The following AKIP1 variants were observed in gnomAD, a reference collection of about 807,000 sequenced individuals.
The protein encoded by AKIP1 is A-kinase-interacting protein 1.
AKIP1 carries 18 observed loss-of-function variants against 22.3 expected under a neutral mutation model. That is an observed-to-expected ratio of 0.81 (90% confidence interval 0.56 to 1.19). AKIP1 has a LOEUF of 1.19. Ranked by LOEUF, AKIP1 falls within the 50% of genes most tolerant of loss-of-function variation. The pLI, the probability that AKIP1 is intolerant of heterozygous loss-of-function variation, is 0.00. For synonymous variants in AKIP1, 120 were observed against 102.7 expected (o/e 1.17, Z -1.02); for missense variants, 287 against 264.6 (o/e 1.08, Z -0.59).
chr11:8,911,418 C>T, intron 1 of AKIP1, 26 bp from the exon 2 acceptor site: 1 of 1,543,372 alleles, frequency 6.5e-7, no homozygotes, highest in Non-Finnish European at 8.8e-7. Context: ...GACCCGCCGG[C>T]GTTTGTACGT....
intron 3 of AKIP1, among the ~76,000 whole-genome samples, chr11:8,913,541 G>C (rs1301112556): frequency 6.6e-6 from 1 of 152,212 alleles, no homozygotes; most frequent in East Asian, 1.9e-4. Flanking sequence ...AAACATTCAA[G>C]GAAATTACCT....
chr11:8,915,924 C>T (rs563313211), intron 4 of AKIP1, among the ~76,000 whole-genome samples: 16 of 150,236 alleles, frequency 1.1e-4, no homozygotes, highest in Middle Eastern at 3.4e-3. Context: ...CCCTGGTTCA[C>T]GCCATTCTTC....
chr11:8,917,144 A>T (rs1256378421), intron 4 of AKIP1, 143 bp from the exon 5 acceptor site: 3 of 555,822 alleles, frequency 5.4e-6, no homozygotes, highest in Non-Finnish European at 9.7e-6. Flanking sequence ...GAATTCACTT[A>T]AAAATGCCTT....
At position 8,911,597 on chromosome 11, in the gene AKIP1, G is replaced by C. The variant is rs754128869; in HGVS notation, c.148G>C (p.Gly50Arg). Residue 50 changes from glycine to arginine, a missense_variant, in exon 2 of 6, where the codon GGG (glycine) becomes CGG (arginine). Transcript: ENST00000309377. The part of the protein sequence containing the change: ...HALERPKGCM[G>R]VLAREAPHLE... The stretch of plus-strand genomic sequence containing the variant: ...CCTGGAGCGTCCCAAAGGCTGCATG[G>C]GGGTCCTTGCCCGGGAGGCGCCCCA... The C allele has an allele frequency of 6.2e-7, 1 of 1,607,620 alleles. No individual in the cohort carries two copies. The highest frequency in any genetic ancestry group is 2.2e-5 in the East Asian group (1 of 44,758).
Position 8,919,731 on chromosome 11 carries a change from G to T in AKIP1, c.*251G>T. 1 of 330,124 alleles carries T rather than the reference G, an allele frequency of 3.0e-6. No individual in the cohort carries two copies. The highest frequency in any genetic ancestry group is 4.5e-5 in the South Asian group (1 of 22,190). The allele number at this position is 330,124 out of a possible 1,614,324, so 20.4% of individuals were successfully genotyped here. On this transcript the variant is annotated 3_prime_UTR_variant, in exon 6 of 6. Coordinates refer to ENST00000309377, the MANE Select transcript of AKIP1 (RefSeq NM_020642.4). ...GGCTCACTGCAAGTTCCGCCTCCCGGGTTCACACCATTCTCCTGCCTCAGC... is the reference window on the plus strand; with the variant it reads ...GGCTCACTGCAAGTTCCGCCTCCCGTGTTCACACCATTCTCCTGCCTCAGC...
chr11:8,914,958 T>C, intron 4 of AKIP1, 28 bp downstream of exon 4: 1 of 1,557,308 alleles, frequency 6.4e-7, no homozygotes. Context: ...TCCTGCACCA[T>C]GCCTTCAGTC....
chr11:8,920,064 G>T lies in AKIP1; in HGVS notation c.*584G>T, dbSNP rs1589930043. 1.9e-5 allele frequency: 4 copies of T among 212,298 alleles called. No homozygotes were observed. Among genetic ancestry groups the T allele is most frequent in the Non-Finnish European group, 3.7e-5 (4 of 108,076 alleles). The allele number at this position is 212,298 out of a possible 1,614,324, so 13.2% of individuals were successfully genotyped here. A position where few individuals can be genotyped will look rare whatever the true frequency, so the allele number is the denominator to read the frequency against. On this transcript the variant is annotated 3_prime_UTR_variant, in exon 6 of 6. Transcript: ENST00000309377. Reference sequence around the variant, plus strand: ...AGTAAAGGTTAATTATGATAATAAAGAGATTTGGAAATGAAGAGAATTCAT... The same window carrying T: ...AGTAAAGGTTAATTATGATAATAAATAGATTTGGAAATGAAGAGAATTCAT...
chr11:8,915,404 C>A (rs1425543514), intron 4 of AKIP1, among the ~76,000 whole-genome samples: 1 of 135,206 alleles, frequency 7.4e-6, no homozygotes, highest in African/African-American at 2.8e-5. Flanking sequence ...TACTCTGTCA[C>A]CCAGGCTAGA....
Position 8,914,921 on chromosome 11 carries a change from G to A in AKIP1, c.399G>A (p.Gly133=). 1 of 1,613,194 alleles carries A rather than the reference G, an allele frequency of 6.2e-7. No homozygotes were observed. The highest frequency in any genetic ancestry group is 8.5e-7 in the Non-Finnish European group (1 of 1,179,514). ...ESKLHMCLDI[G]NGQRKDRKKT... ...AGCTGCACATGTGCTTGGACATAGG[G>A]AATGGTCAGGTAAGTGTACTCAACT... Residue 133 remains glycine, a synonymous_variant, in exon 4 of 6, where the codon GGG becomes GGA. Transcript: ENST00000309377.
chr11:8,917,340 A>C lies in AKIP1; in HGVS notation c.462A>C (p.Ser154=), dbSNP rs1466435242. 1 of 1,613,600 alleles carries C rather than the reference A, an allele frequency of 6.2e-7. No individual in the cohort carries two copies. The highest frequency in any genetic ancestry group is 1.7e-5 in the Admixed American group (1 of 59,996). Residue 154 remains serine (S), a synonymous_variant, in exon 5 of 6, where the codon TCA becomes TCC. Transcript: ENST00000309377. ...GTCCTGGAGGCAGCTATCAAATATC[A>C]GAGCATGCTCCAGAGGCATCCCAGC... ...SLGPGGSYQI[S]EHAPEASQPA... is the part of the protein sequence containing the mutation.
chr11:8,911,413 G>C (rs891360433), intron 1 of AKIP1, 31 bp from the exon 2 acceptor site: 1 of 1,530,686 alleles, frequency 6.5e-7, no homozygotes, highest in African/African-American at 1.4e-5. Context: ...CAGCTGACCC[G>C]CCGGCGTTTG....
At chr11:8,911,381 T>C (rs1235083524) in intron 1 of AKIP1, 63 bp from the exon 2 acceptor site, 24 of 1,432,572 alleles carry the variant, frequency 1.7e-5, no homozygotes, top group Non-Finnish European at 2.3e-5. Context: ...CCACCCGGAT[T>C]TGGAGCAGGG....
intron 4 of AKIP1, among the ~76,000 whole-genome samples, chr11:8,915,317 T>C (rs530434655): frequency 2.6e-5 from 4 of 151,032 alleles, no homozygotes; most frequent in Admixed American, 1.3e-4. Flanking sequence ...AAAAGAGCTC[T>C]AAATATCCTC....
chr11:8,911,749 A>T (rs543775830), intron 2 of AKIP1, 78 bp downstream of exon 2: 35 of 1,374,140 alleles, frequency 2.5e-5, no homozygotes, highest in Non-Finnish European at 3.4e-5. Context: ...TGCGCAGCGC[A>T]GAAGCAGCTG....
Position 8,919,577 on chromosome 11 carries a change from A to C in AKIP1, c.*97A>C. On this transcript the variant is annotated 3_prime_UTR_variant, in exon 6 of 6. Coordinates refer to ENST00000309377, the MANE Select transcript of AKIP1 (RefSeq NM_020642.4). ...ATAGCTATACATTAATCCTGTTTTT[A>C]GTGCTGACTGGGTCAGCCTTCCGGG... is the stretch of plus-strand genomic sequence containing the variant. 2 of 1,363,856 alleles carry C rather than the reference A, an allele frequency of 1.5e-6. No homozygotes were observed. The highest frequency in any genetic ancestry group is 2.8e-5 in the South Asian group (2 of 71,582). The allele number at this position is 1,363,856 out of a possible 1,614,324, so 84.5% of individuals were successfully genotyped here. A position where few individuals can be genotyped will look rare whatever the true frequency, so the allele number is the denominator to read the frequency against.
In AKIP1 at chr11:8,911,493, G is replaced by A; in HGVS notation, c.44G>A (p.Arg15Gln). 6.2e-7 allele frequency: 1 copy of A among 1,607,352 alleles called. No individual in the cohort carries two copies. The highest frequency in any genetic ancestry group is 8.5e-7 in the Non-Finnish European group (1 of 1,177,164). The change falls in exon 2 of 6, where the codon CGA (arginine) becomes CAA (glutamine). Residue 15 changes from arginine (R) to glutamine (Q), a missense_variant. Arg to Gln is a conservative substitution (Grantham distance 43). Coordinates refer to ENST00000309377, the MANE Select transcript of AKIP1 (RefSeq NM_020642.4). ...GCCGCAGCGCTGAATGGGGTGGACC[G>A]ACGTTCCCTGCAGCGTTCAGCAAGG... The part of the protein sequence containing the change: ...LAAAALNGVD[R>Q]RSLQRSARLA...
intron 3 of AKIP1, among the ~76,000 whole-genome samples, chr11:8,913,776 C>T (rs1458205143): frequency 6.6e-6 from 1 of 152,170 alleles, no homozygotes; most frequent in Non-Finnish European, 1.5e-5. Flanking sequence ...AGGATTCCAA[C>T]CAAAGAGGAA....
Position 8,914,793 on chromosome 11 carries a change from G to C in AKIP1, c.304-33G>C, listed in dbSNP as rs759739590. On this transcript the variant is annotated intron_variant, in intron 3 of 5. Coordinates refer to ENST00000309377, the MANE Select transcript of AKIP1 (RefSeq NM_020642.4). ...TTTTGAAAATTTGACAAGACAATTT[G>C]GTTAGCTAACATCTTTGACATTACG... 3.3e-6 allele frequency: 5 copies of C among 1,527,722 alleles called. No homozygotes were observed. In the Admixed American group the frequency reaches 8.5e-5, roughly 26 times the overall value. 94.6% of individuals were successfully genotyped at this position (1,527,722 alleles called of 1,614,324 possible).
chr11:8,919,261 A>T (rs1053610842), intron 5 of AKIP1, 76 bp from the exon 6 acceptor site: 1 of 1,427,576 alleles, frequency 7.0e-7, no homozygotes, highest in African/African-American at 1.4e-5. Context: ...CTGCAAGGAC[A>T]GGTAGCCTGC....
Sources: gnomAD v4.1 joint callset for allele counts (sites outside exome capture counted in the v4.1 genomes callset) on GRCh38, gnomAD v4.1.1 for gene constraint, MANE v1.5 for transcripts, NCBI Gene and HGNC (gene_info 2026-07-23, HGNC 2026-07-21) for gene names.